FBXL17: variants seen among roughly 807,000 people sequenced by gnomAD.
FBXL17 encodes the protein F-box/LRR-repeat protein 17.
A neutral mutation model predicts 66.2 loss-of-function variants in FBXL17; 22 were observed. That is an observed-to-expected ratio of 0.33 (90% confidence interval 0.24 to 0.47). FBXL17 has a LOEUF of 0.47. FBXL17 is among the 20% of genes least tolerant of loss of function. FBXL17 has a pLI of 1.00. For synonymous variants in FBXL17, 474 were observed against 400.5 expected (o/e 1.18, Z -2.19); for missense variants, 878 against 948.2 (o/e 0.93, Z 0.97).
chr5:108,139,614 G>A (rs1443335458), intron 6 of FBXL17, among the ~76,000 whole-genome samples: 3 of 152,262 alleles, frequency 2.0e-5, no homozygotes, highest in East Asian at 3.9e-4. Flanking sequence ...CCTGTCCCAA[G>A]GGCCCTACCC....
intron 6 of FBXL17, among the ~76,000 whole-genome samples, chr5:108,035,602 G>A (rs575199653): frequency 5.3e-5 from 8 of 152,078 alleles, no homozygotes; most frequent in African/African-American, 1.9e-4. Context: ...CCCAACCTCA[G>A]GTGATCCACC....
At chr5:107,866,957 C>T (rs1748292319) in intron 8 of FBXL17, among the ~76,000 whole-genome samples, 1 of 152,160 alleles carries the variant, frequency 6.6e-6, no homozygotes, top group African/African-American at 2.4e-5. Context: ...TGTTCACTGT[C>T]AAATCCCTAG....
At chr5:108,187,916 G>C (rs142540729) in intron 5 of FBXL17, among the ~76,000 whole-genome samples, 73 of 152,288 alleles carry the variant, frequency 4.8e-4, no homozygotes, top group African/African-American at 1.7e-3. Flanking sequence ...CTAGACACTT[G>C]AATCTCCAAT....
At chr5:108,247,252 G>A (rs566302952) in intron 4 of FBXL17, among the ~76,000 whole-genome samples, 17 of 152,058 alleles carry the variant, frequency 1.1e-4, no homozygotes, top group African/African-American at 1.9e-4. Context: ...TACATAAAAC[G>A]AAGATAGAGG....
intron 4 of FBXL17, among the ~76,000 whole-genome samples, chr5:108,285,915 C>A (rs1485431439): frequency 6.6e-6 from 1 of 151,732 alleles, no homozygotes; most frequent in Non-Finnish European, 1.5e-5. Context: ...AAACCATATC[C>A]AGCAGCTTAT....
At chr5:108,106,388 A>G (rs1218300111) in intron 6 of FBXL17, among the ~76,000 whole-genome samples, 2 of 152,220 alleles carry the variant, frequency 1.3e-5, no homozygotes, top group Non-Finnish European at 2.9e-5. Flanking sequence ...AAGTTGCCAT[A>G]CGTCCCAGCC....
chr5:108,279,752 T>G (rs1757627512), intron 4 of FBXL17, among the ~76,000 whole-genome samples: 1 of 151,576 alleles, frequency 6.6e-6, no homozygotes, highest in African/African-American at 2.4e-5. Context: ...AATGAAAAAT[T>G]TACCAACGAG....
At chr5:108,086,191 A>G (rs1748963389) in intron 6 of FBXL17, among the ~76,000 whole-genome samples, 1 of 152,132 alleles carries the variant, frequency 6.6e-6, no homozygotes, top group Non-Finnish European at 1.5e-5. Flanking sequence ...CCTCAATCCC[A>G]GACAGTAAAA....
intron 6 of FBXL17, among the ~76,000 whole-genome samples, chr5:108,184,549 C>T (rs1054777058): frequency 5.3e-5 from 8 of 151,718 alleles, no homozygotes; most frequent in Middle Eastern, 3.4e-3. Flanking sequence ...CCTCGTGATC[C>T]GCCCGCCTTG....
chr5:108,377,967 T>C (rs1749560988), intron 1 of FBXL17, among the ~76,000 whole-genome samples: 1 of 152,242 alleles, frequency 6.6e-6, no homozygotes, highest in Non-Finnish European at 1.5e-5. Context: ...ATATGGCTGT[T>C]ATAAACCACA....
At chr5:108,018,260 T>A (rs1754457647) in intron 7 of FBXL17, among the ~76,000 whole-genome samples, 1 of 152,082 alleles carries the variant, frequency 6.6e-6, no homozygotes, top group Non-Finnish European at 1.5e-5. Context: ...AATCAAAAAG[T>A]CCTATAGAAT....
At chr5:108,006,329 C>A (rs1753918982) in intron 7 of FBXL17, among the ~76,000 whole-genome samples, 1 of 152,048 alleles carries the variant, frequency 6.6e-6, no homozygotes, top group Non-Finnish European at 1.5e-5. Context: ...TAAGTGGTTA[C>A]CACAGTTATC....
intron 6 of FBXL17, among the ~76,000 whole-genome samples, chr5:108,094,539 T>C (rs1561406659): frequency 6.6e-6 from 1 of 152,142 alleles, no homozygotes; most frequent in Non-Finnish European, 1.5e-5. Context: ...AAACTATTTT[T>C]AAACTTCACT....
intron 4 of FBXL17, among the ~76,000 whole-genome samples, chr5:108,309,750 G>C (rs946555883): frequency 4.6e-5 from 7 of 151,934 alleles, no homozygotes; most frequent in African/African-American, 1.4e-4. Context: ...ACTGATTTTT[G>C]TATTTGGGTG....
At chr5:107,923,893 C>T (rs1750406913) in intron 7 of FBXL17, among the ~76,000 whole-genome samples, 1 of 151,858 alleles carries the variant, frequency 6.6e-6, no homozygotes, top group Admixed American at 6.6e-5. Flanking sequence ...GGGTGTCAGA[C>T]AAACATACAA....
At chr5:107,988,580 T>C (rs1375386634) in intron 7 of FBXL17, among the ~76,000 whole-genome samples, 2 of 152,024 alleles carry the variant, frequency 1.3e-5, no homozygotes, top group Admixed American at 6.6e-5. Context: ...AAATTAAATA[T>C]TATTTACCAC....
At chr5:108,199,504 G>A (rs1753806444) in intron 5 of FBXL17, among the ~76,000 whole-genome samples, 1 of 152,100 alleles carries the variant, frequency 6.6e-6, no homozygotes, top group Non-Finnish European at 1.5e-5. Flanking sequence ...ACCTATTCTT[G>A]GAATTCATCA....
chr5:108,076,668 A>G (rs999812012), intron 6 of FBXL17, among the ~76,000 whole-genome samples: 1 of 152,196 alleles, frequency 6.6e-6, no homozygotes, highest in Non-Finnish European at 1.5e-5. Flanking sequence ...TAAGTAGGAA[A>G]AATTTGCAGC....
At chr5:108,189,301 T>C (rs1580583633) in intron 5 of FBXL17, among the ~76,000 whole-genome samples, 1 of 94,146 alleles carries the variant, frequency 1.1e-5, no homozygotes, top group Non-Finnish European at 1.9e-5. Context: ...TGGGATGGGA[T>C]GGGATGGGAT....
Sources: allele counts gnomAD v4.1 joint callset (sites outside exome capture counted in the v4.1 genomes callset), GRCh38; gene constraint gnomAD v4.1.1; transcripts MANE v1.5; gene names NCBI Gene and HGNC (gene_info 2026-07-23, HGNC 2026-07-21).